YPEL2: variants seen among roughly 807,000 people sequenced by gnomAD.
YPEL2 encodes the protein protein yippee-like 2.
Under a neutral mutation model 19.1 loss-of-function variants are expected in YPEL2, and 2 were observed. The observed-to-expected ratio is 0.10, with a 90% CI of 0.04 to 0.33. The LOEUF is 0.33. YPEL2 is among the 10% of genes least tolerant of loss of function. The probability of loss-of-function intolerance (pLI) is 1.00; values close to 1 mark genes in which losing one functional copy is unlikely to be tolerated. For missense variants in YPEL2, 66 were observed against 140.7 expected (o/e 0.47, Z 2.68); for synonymous variants, 52 against 50.0 (o/e 1.04, Z -0.17).
At chr17:59,352,072 C>G (rs2047790061) in intron 1 of YPEL2, among the ~76,000 whole-genome samples, 1 of 152,160 alleles carries the variant, frequency 6.6e-6, no homozygotes, top group Non-Finnish European at 1.5e-5. Context: ...CTCTAAAGAT[C>G]CAGATGGATC....
intron 1 of YPEL2, among the ~76,000 whole-genome samples, chr17:59,337,614 A>C (rs1460967674): frequency 6.6e-6 from 1 of 152,200 alleles, no homozygotes; most frequent in African/African-American, 2.4e-5. Flanking sequence ...GCTATAAATG[A>C]TAAATGCTTT....
chr17:59,382,778 ACT>A lies in YPEL2; in HGVS notation c.118-5546_118-5545del, dbSNP rs1229194393. 2.6e-5 allele frequency among the ~76,000 whole-genome samples: 4 copies of A among 151,670 alleles called. No individual in the cohort carries two copies. The East Asian group carries it at 5.8e-4, about 22-fold the overall frequency. ...TCTAATGAGAGGGTTGTTCTTGAAA[ACT>A]CTTAGGAAAAGTGGTTTTTTGGTTT... On this transcript the variant is annotated intron_variant, in intron 2 of 4. Transcript: ENST00000312655.
chr17:59,331,974 G>A (rs899624940), intron 1 of YPEL2, 150 bp downstream of exon 1: 57 of 151,648 alleles, frequency 3.8e-4, no homozygotes, highest in African/African-American at 1.4e-3. Flanking sequence ...TTCCGCGTGG[G>A]GTCCCCGTGG....
At chr17:59,339,060 T>C (rs1165593818) in intron 1 of YPEL2, among the ~76,000 whole-genome samples, 2 of 151,936 alleles carry the variant, frequency 1.3e-5, no homozygotes, top group Admixed American at 6.6e-5. Flanking sequence ...TGTTTTTGCT[T>C]TTTCCTTTGT....
At chr17:59,384,482 C>T (rs1350198485) in intron 2 of YPEL2, among the ~76,000 whole-genome samples, 4 of 152,088 alleles carry the variant, frequency 2.6e-5, no homozygotes, top group Admixed American at 2.6e-4. Flanking sequence ...ACAGAAACAA[C>T]AGTATTCACA....
intron 2 of YPEL2, among the ~76,000 whole-genome samples, chr17:59,370,715 C>T (rs2047892820): frequency 6.6e-6 from 1 of 152,142 alleles, no homozygotes; most frequent in Middle Eastern, 3.2e-3. Context: ...CTGTTTGTTT[C>T]AATAGGGTTT....
chr17:59,362,295 T>C (rs1487665051), intron 2 of YPEL2, among the ~76,000 whole-genome samples: 11 of 151,270 alleles, frequency 7.3e-5, no homozygotes, highest in Admixed American at 6.6e-5. Flanking sequence ...GTGTTTATCA[T>C]GTGTAGGCAT....
At chr17:59,388,200 ACTGGCTCAGTACTCCCTTTTG>A in intron 2 of YPEL2, 106 bp from the exon 3 acceptor site, 1 of 901,180 alleles carries the variant, frequency 1.1e-6, no homozygotes, top group South Asian at 1.4e-5. Context: ...GGGACCGTTA[ACTGGCTCAGTACTCCCTTTTG>A]CTGTGTCAGT....
At chr17:59,350,841 A>T (rs1356925969) in intron 1 of YPEL2, among the ~76,000 whole-genome samples, 1 of 152,164 alleles carries the variant, frequency 6.6e-6, no homozygotes, top group Non-Finnish European at 1.5e-5. Context: ...CTCTAAACTC[A>T]GCCTGGCAGC....
intron 2 of YPEL2, among the ~76,000 whole-genome samples, chr17:59,359,592 A>G (rs1324944034): frequency 1.3e-5 from 2 of 152,248 alleles, no homozygotes; most frequent in Admixed American, 6.5e-5. Flanking sequence ...AATTTGCAAA[A>G]TAGGTATTTT....
At chr17:59,341,847 G>A (rs1244985727) in intron 1 of YPEL2, among the ~76,000 whole-genome samples, 1 of 152,136 alleles carries the variant, frequency 6.6e-6, no homozygotes, top group African/African-American at 2.4e-5. Context: ...GCTGTAGAGT[G>A]AGTCTCCTCC....
intron 1 of YPEL2, among the ~76,000 whole-genome samples, chr17:59,349,986 C>T (rs1243894001): frequency 1.3e-5 from 2 of 152,176 alleles, no homozygotes; most frequent in African/African-American, 2.4e-5. Context: ...TCCTGCTTCT[C>T]CTTGCTTTCT....
chr17:59,342,508 T>A (rs1305897828), intron 1 of YPEL2, among the ~76,000 whole-genome samples: 1 of 152,194 alleles, frequency 6.6e-6, no homozygotes, highest in African/African-American at 2.4e-5. Flanking sequence ...TCTTCCTAGA[T>A]CTTGTAAATG....
chr17:59,380,755 CTG>C (rs527923461), intron 2 of YPEL2, among the ~76,000 whole-genome samples: 8 of 152,188 alleles, frequency 5.3e-5, no homozygotes, highest in Non-Finnish European at 1.2e-4. Context: ...GCAGTTAACA[CTG>C]TGTATGAGTG....
intron 2 of YPEL2, among the ~76,000 whole-genome samples, chr17:59,366,399 C>T (rs2047869383): frequency 6.6e-6 from 1 of 152,160 alleles, no homozygotes; most frequent in Non-Finnish European, 1.5e-5. Context: ...AGCCTGGCCC[C>T]TAAGGTTATC....
At chr17:59,346,799 C>T (rs555534937) in intron 1 of YPEL2, among the ~76,000 whole-genome samples, 24 of 152,164 alleles carry the variant, frequency 1.6e-4, no homozygotes, top group African/African-American at 5.8e-4. Context: ...GTTGAGGTGA[C>T]ATTTGAGCTG....
intron 2 of YPEL2, among the ~76,000 whole-genome samples, chr17:59,387,116 C>T (rs903168449): frequency 2.6e-5 from 4 of 151,770 alleles, no homozygotes; most frequent in Admixed American, 6.6e-5. Flanking sequence ...AAAAATTAGC[C>T]GGGTGTTGTG....
rs191403969 is a variant in YPEL2, at chr17:59,401,215, A to C, written c.*4025A>C. 26 of 152,336 alleles carry C rather than the reference A, an allele frequency of 1.7e-4. No individual in the cohort carries two copies. The highest frequency in any genetic ancestry group is 3.2e-4 in the Non-Finnish European group (22 of 68,032). 9.4% of individuals were successfully genotyped at this position (152,336 alleles called of 1,614,324 possible). A position where few individuals can be genotyped will look rare whatever the true frequency, so the allele number is the denominator to read the frequency against. The stretch of plus-strand genomic sequence containing the variant: ...GGTTTAGAAAGAGGCTGAGAAATCA[A>C]ATCTTGAACACAATCAACTTACATA... On this transcript the variant is annotated 3_prime_UTR_variant, in exon 5 of 5. Transcript: ENST00000312655.
At chr17:59,372,350 C>T (rs1445121108) in intron 2 of YPEL2, among the ~76,000 whole-genome samples, 2 of 152,184 alleles carry the variant, frequency 1.3e-5, no homozygotes, top group East Asian at 1.9e-4. Context: ...TTTCTGAAAT[C>T]TCCTCTGTTT....
Sources: allele counts gnomAD v4.1 joint callset (sites outside exome capture counted in the v4.1 genomes callset), GRCh38; gene constraint gnomAD v4.1.1; transcripts MANE v1.5; gene names NCBI Gene and HGNC (gene_info 2026-07-23, HGNC 2026-07-21).